The following LAMA3 variants were observed in gnomAD, a reference collection of about 807,000 sequenced individuals.
LAMA3 encodes laminin subunit alpha 3, also known as laminin subunit alpha-3.
In LAMA3, 281 loss-of-function variants were observed where a neutral mutation model predicts 402.0. That is an observed-to-expected ratio of 0.70 (90% confidence interval 0.63 to 0.77). The LOEUF (loss-of-function observed/expected upper bound fraction) is 0.77. Among genes scored for constraint, LAMA3 ranks in the 30% least tolerant of loss-of-function variants. LAMA3 has a pLI of 0.00. For synonymous variants in LAMA3, 1,431 were observed against 1,558.4 expected (o/e 0.92, Z 1.93); for missense variants, 3,840 against 4,215.5 (o/e 0.91, Z 2.47).
chr18:23,705,516 T>C (rs1169408214), intron 1 of LAMA3, among the ~76,000 whole-genome samples: 2 of 150,568 alleles, frequency 1.3e-5, no homozygotes, highest in Non-Finnish European at 3.0e-5. Context: ...CATACACACA[T>C]ATGCACACAC....
intron 55 of LAMA3, 126 bp downstream of exon 55, chr18:23,909,421 T>C: frequency 2.3e-6 from 2 of 871,744 alleles, no homozygotes. Flanking sequence ...AATTCTTGTG[T>C]TGCTTGAATA....
At position 23,918,852 on chromosome 18, in the gene LAMA3, G is replaced by A. The variant is rs140659237; in HGVS notation, c.7924-2083G>A. Among the ~76,000 whole-genome samples the A allele has an allele frequency of 2.4e-3, 373 of 152,260 alleles. No individual in the cohort carries two copies. Among genetic ancestry groups the A allele is most frequent in the Admixed American group, 4.9e-3 (75 of 15,300 alleles). On this transcript the variant is annotated intron_variant, in intron 60 of 74. Transcript: ENST00000313654. This position sits in a 1 kb window ranked among gnomAD's most constrained non-coding sequence, Gnocchi z 4.1. ...ACCGCAGGGTGGTGACACTGACCCG[G>A]TCCAACTCTCCTCTCTGGGGTTGGT...
chr18:23,898,050 A>G (rs1468758092), intron 44 of LAMA3, among the ~76,000 whole-genome samples: 1 of 151,726 alleles, frequency 6.6e-6, no homozygotes, highest in Non-Finnish European at 1.5e-5. Context: ...ATTTTTTCCT[A>G]TAAACTTTTT....
At chr18:23,822,661 A>G (rs1598861780) in intron 20 of LAMA3, among the ~76,000 whole-genome samples, 18 of 152,348 alleles carry the variant, frequency 1.2e-4, no homozygotes, top group Admixed American at 1.2e-3. Flanking sequence ...CACTGAGCAG[A>G]GCTCATTTAT....
chr18:23,907,088 C>T (rs1568327760), intron 52 of LAMA3, among the ~76,000 whole-genome samples: 2 of 152,174 alleles, frequency 1.3e-5, no homozygotes, highest in Non-Finnish European at 2.9e-5. Flanking sequence ...TTTTCTTGTC[C>T]TCTGATGGAA....
At chr18:23,854,154 A>C (rs959042806) in intron 32 of LAMA3, among the ~76,000 whole-genome samples, 2 of 152,046 alleles carry the variant, frequency 1.3e-5, no homozygotes, top group African/African-American at 2.4e-5. Context: ...TGAGGCTCAG[A>C]GCTTGGTCCT....
chr18:23,784,237 C>G (rs1305895248), intron 12 of LAMA3, 80 bp downstream of exon 12: 10 of 1,550,888 alleles, frequency 6.4e-6, no homozygotes, highest in Non-Finnish European at 8.9e-6. Flanking sequence ...ATCTTTCTGG[C>G]AGAGCTGTCT....
intron 2 of LAMA3, among the ~76,000 whole-genome samples, chr18:23,714,310 A>G (rs2061054554): frequency 6.6e-6 from 1 of 152,180 alleles, no homozygotes. Flanking sequence ...ACTTGAAGTC[A>G]GGAGTTTGAG....
chr18:23,810,335 C>T (rs745888904), intron 12 of LAMA3, 31 bp from the exon 13 acceptor site: 20 of 1,613,730 alleles, frequency 1.2e-5, no homozygotes, highest in African/African-American at 1.2e-4. Flanking sequence ...CTGCAACCCC[C>T]GCCTAAGTCT....
chr18:23,862,592 A>T (rs1187837838), intron 35 of LAMA3, among the ~76,000 whole-genome samples: 2 of 152,128 alleles, frequency 1.3e-5, no homozygotes, highest in Non-Finnish European at 2.9e-5. Context: ...GAGTGTGGGA[A>T]ATGTTGCCTC....
chr18:23,871,786 G>C (rs1255488866), intron 38 of LAMA3, 125 bp downstream of exon 38: 16 of 761,302 alleles, frequency 2.1e-5, no homozygotes, highest in Non-Finnish European at 3.2e-5. Flanking sequence ...AGTTTCTGCA[G>C]GGCTTATCTT....
chr18:23,715,709 TTTG>T (rs1478491682), intron 2 of LAMA3, among the ~76,000 whole-genome samples: 4 of 152,070 alleles, frequency 2.6e-5, no homozygotes, highest in Non-Finnish European at 4.4e-5. Context: ...CATAACTGAG[TTTG>T]TTATGTTGAT....
intron 40 of LAMA3, among the ~76,000 whole-genome samples, chr18:23,883,897 G>A (rs1163402342): frequency 2.0e-5 from 3 of 152,132 alleles, no homozygotes; most frequent in Non-Finnish European, 4.4e-5. Context: ...TCTCCTTCCT[G>A]CAATATTAAT....
intron 12 of LAMA3, among the ~76,000 whole-genome samples, chr18:23,809,107 ATAATGT>A: frequency 6.6e-6 from 1 of 152,328 alleles, no homozygotes; most frequent in South Asian, 2.1e-4. Flanking sequence ...AATTAGAATA[ATAATGT>A]TAATAAGTGT....
intron 11 of LAMA3, among the ~76,000 whole-genome samples, chr18:23,782,767 G>T (rs2062461595): frequency 6.6e-6 from 1 of 151,022 alleles, no homozygotes; most frequent in Non-Finnish European, 1.5e-5. Context: ...GTGTGAACTT[G>T]GGGAAGTTAA....
intron 2 of LAMA3, among the ~76,000 whole-genome samples, chr18:23,719,878 G>A (rs550695101): frequency 1.3e-5 from 2 of 152,128 alleles, no homozygotes; most frequent in Non-Finnish European, 2.9e-5. Context: ...CTGGTTCCCC[G>A]GGTGGACACA....
chr18:23,876,711 A>G (rs1202289485), intron 39 of LAMA3, among the ~76,000 whole-genome samples: 2 of 152,234 alleles, frequency 1.3e-5, no homozygotes, highest in Non-Finnish European at 2.9e-5. Flanking sequence ...TTGCCAGGAC[A>G]AAACTAATCC....
At position 23,912,787 on chromosome 18, in the gene LAMA3, G is replaced by A. The variant is rs760183407; in HGVS notation, c.7235G>A (p.Gly2412Glu). Residue 2412 changes from glycine (G) to glutamate (E), a missense_variant, in exon 56 of 75, where the codon GGA becomes GAA. Gly to Glu is a moderately conservative substitution (Grantham distance 98). Transcript: ENST00000313654. Reference protein sequence around the residue: ...RLPNDLEDLKGYTSLSLFLQR... With the variant: ...RLPNDLEDLKEYTSLSLFLQR... Reference sequence around the variant, plus strand: ...CCAAATGACCTGGAAGATTTGAAAGGATATACATCTCTGTCCTTGTTTCTC... The same window carrying A: ...CCAAATGACCTGGAAGATTTGAAAGAATATACATCTCTGTCCTTGTTTCTC... The A allele has an allele frequency of 2.5e-6, 4 of 1,613,962 alleles. No homozygotes were observed. The South Asian group carries it at 4.4e-5, about 18-fold the overall frequency.
intron 67 of LAMA3, 112 bp downstream of exon 67, chr18:23,934,047 G>A (rs1296563712): frequency 1.0e-6 from 1 of 994,794 alleles, no homozygotes; most frequent in African/African-American, 1.6e-5. Context: ...CCATAAAGTG[G>A]GATTGATGCA....
Sources: allele counts gnomAD v4.1 joint callset (sites outside exome capture counted in the v4.1 genomes callset), GRCh38; gene constraint gnomAD v4.1.1; non-coding constraint Gnocchi (gnomAD v3.1); transcripts MANE v1.5; gene names NCBI Gene and HGNC (gene_info 2026-07-23, HGNC 2026-07-21).